TBL1X: variants seen among roughly 807,000 people sequenced by gnomAD.
TBL1X encodes the protein F-box-like/WD repeat-containing protein TBL1X.
In TBL1X, 10 loss-of-function variants were observed where a neutral mutation model predicts 50.7. The observed-to-expected ratio is 0.20, with a 90% confidence interval of 0.12 to 0.33. The LOEUF (loss-of-function observed/expected upper bound fraction) is 0.33. Among genes scored for constraint, TBL1X ranks in the 10% least tolerant of loss-of-function variants. The pLI, the probability that TBL1X is intolerant of heterozygous loss-of-function variation, is 1.00. For missense variants in TBL1X, 340 were observed against 504.4 expected, an observed-to-expected ratio of 0.67 and a Z score of 3.12; for synonymous variants, 190 against 214.7, an observed-to-expected ratio of 0.88 and a Z score of 1.01.
intron 1 of TBL1X, among the ~76,000 whole-genome samples, chrX:9,497,407 T>G (rs1441083808): frequency 8.9e-5 from 1 of 11,195 alleles, no homozygotes; most frequent in Non-Finnish European, 1.5e-4. Flanking sequence ...AGACTCCATC[T>G]CAAAAAAAAA....
intron 2 of TBL1X, among the ~76,000 whole-genome samples, chrX:9,639,029 C>G (rs1278446616): frequency 1.8e-5 from 2 of 111,709 alleles, no homozygotes; most frequent in African/African-American, 3.2e-5. Flanking sequence ...TAGTTTCACT[C>G]TCATTATTTT....
At chrX:9,485,796 A>G (rs957235651) in intron 1 of TBL1X, among the ~76,000 whole-genome samples, 1 of 112,247 alleles carries the variant, frequency 8.9e-6, no homozygotes, top group Non-Finnish European at 1.9e-5. Context: ...CCAGTCTCAA[A>G]TCAATTCACG....
chrX:9,653,734 G>C, intron 4 of TBL1X, 45 bp downstream of exon 4: 1 of 1,116,115 alleles, frequency 9.0e-7, no homozygotes, highest in Non-Finnish European at 1.2e-6. Context: ...GTCACTCTTT[G>C]GGGGTGTTGA....
intron 2 of TBL1X, among the ~76,000 whole-genome samples, chrX:9,613,121 T>C (rs2082621974): frequency 2.7e-5 from 3 of 111,495 alleles, no homozygotes; most frequent in Non-Finnish European, 5.6e-5. Flanking sequence ...AGTTTTAAAC[T>C]AGGATAGTTT....
intron 1 of TBL1X, among the ~76,000 whole-genome samples, chrX:9,482,335 T>C (rs2081887423): frequency 9.0e-6 from 1 of 111,477 alleles, no homozygotes; most frequent in Non-Finnish European, 1.9e-5. Context: ...TTAATCTTTG[T>C]TTTTTTTCCG....
chrX:9,710,611 G>A lies in TBL1X; in HGVS notation c.1439+851G>A, dbSNP rs982964427. On this transcript the variant is annotated intron_variant, in intron 15 of 17. Transcript: ENST00000645353. ...GCATCCCGGTACCTAATGGGTCCCT[G>A]TTGAAAGAAAGCAAGCCAGACAATA... 3.6e-5 allele frequency among the ~76,000 whole-genome samples: 4 copies of A among 112,443 alleles called. No homozygotes were observed. In the South Asian group the frequency reaches 1.5e-3, roughly 41 times the overall value.
intron 2 of TBL1X, among the ~76,000 whole-genome samples, chrX:9,541,535 A>G (rs1387871895): frequency 8.9e-6 from 1 of 112,688 alleles, no homozygotes; most frequent in Non-Finnish European, 1.9e-5. Flanking sequence ...AACAAAAAAC[A>G]GGGAACACAG....
intron 2 of TBL1X, among the ~76,000 whole-genome samples, chrX:9,512,064 G>A (rs1339910791): frequency 9.0e-6 from 1 of 110,573 alleles, no homozygotes; most frequent in African/African-American, 3.3e-5. Flanking sequence ...TCCCTATGTT[G>A]CCCAGGCTTG....
chrX:9,641,034 A>G (rs1458546704), intron 3 of TBL1X, among the ~76,000 whole-genome samples: 1 of 112,343 alleles, frequency 8.9e-6, no homozygotes, highest in Non-Finnish European at 1.9e-5. Flanking sequence ...TGTCAACATT[A>G]TCAATTACAA....
chrX:9,559,198 A>G lies in TBL1X; in HGVS notation c.-131+57349A>G, dbSNP rs187674610. 3.8e-3 allele frequency among the ~76,000 whole-genome samples: 429 copies of G among 112,161 alleles called. 4 individuals are homozygous for G. The highest frequency in any genetic ancestry group is 0.034 in the Admixed American group (363 of 10,555). Reference sequence around the variant, plus strand: ...TTGTATCCGACTGCGAACTTTGGATACCGCCTTCCTGTCTCAGCTTCGTCT... The same window carrying G: ...TTGTATCCGACTGCGAACTTTGGATGCCGCCTTCCTGTCTCAGCTTCGTCT... On this transcript the variant is annotated intron_variant, in intron 2 of 17. Coordinates refer to ENST00000645353, the MANE Select transcript of TBL1X (RefSeq NM_005647.4).
At chrX:9,543,902 C>T (rs1301918752) in intron 2 of TBL1X, among the ~76,000 whole-genome samples, 1 of 111,516 alleles carries the variant, frequency 9.0e-6, no homozygotes, top group East Asian at 2.8e-4. Flanking sequence ...TAGCCGAACA[C>T]AGAACATTCT....
At chrX:9,601,777 G>A (rs909713969) in intron 2 of TBL1X, among the ~76,000 whole-genome samples, 3 of 111,887 alleles carry the variant, frequency 2.7e-5, no homozygotes, top group Admixed American at 9.5e-5. Flanking sequence ...TTGGCCGGGC[G>A]CAGTGGCTCA....
At chrX:9,551,057 G>GT (rs947462230) in intron 2 of TBL1X, among the ~76,000 whole-genome samples, 1 of 111,217 alleles carries the variant, frequency 9.0e-6, no homozygotes, top group Non-Finnish European at 1.9e-5. Context: ...TACTTTATGG[G>GT]TTTTTTAATG....
intron 2 of TBL1X, among the ~76,000 whole-genome samples, chrX:9,599,828 C>G (rs750729100): frequency 8.9e-6 from 1 of 112,518 alleles, no homozygotes; most frequent in South Asian, 3.6e-4. Context: ...CAAGCAAAAT[C>G]TGATTGGAAA....
intron 2 of TBL1X, among the ~76,000 whole-genome samples, chrX:9,511,350 T>A (rs2082054857): frequency 8.9e-6 from 1 of 111,784 alleles, no homozygotes; most frequent in Non-Finnish European, 1.9e-5. Flanking sequence ...CTTGCCTGGC[T>A]TGTGGGTTGA....
chrX:9,559,795 A>T (rs1207280125), intron 2 of TBL1X, among the ~76,000 whole-genome samples: 1 of 112,328 alleles, frequency 8.9e-6, no homozygotes, highest in Non-Finnish European at 1.9e-5. Context: ...CAGGAAATGA[A>T]AACGAAGTAT....
intron 2 of TBL1X, among the ~76,000 whole-genome samples, chrX:9,614,000 AAAAG>A (rs2082627596): frequency 2.8e-5 from 3 of 108,838 alleles, no homozygotes; most frequent in Admixed American, 9.8e-5. Flanking sequence ...AAAAAAAAAA[AAAAG>A]AAAAGAAAAA....
chrX:9,698,311 TGAAACCACTCCCAG>T, intron 12 of TBL1X, among the ~76,000 whole-genome samples: 2 of 111,365 alleles, frequency 1.8e-5, no homozygotes, highest in African/African-American at 3.3e-5. Context: ...GGGGGCTCCC[TGAAACCACTCCCAG>T]GATTGGTGGT....
At position 9,674,680 on chromosome X, in the gene TBL1X, G is replaced by GCCCCCCCCCCCC. The variant is rs57080019; in HGVS notation, c.212-9350_212-9339dup. ...GGGCACAAATGATCCTCCCGCCTCA[G>GCCCCCCCCCCCC]CCCCCCCCCCCCCCCCCCCCCCCCA... On this transcript the variant is annotated intron_variant, in intron 5 of 17. Transcript: ENST00000645353. 1.2e-3 allele frequency among the ~76,000 whole-genome samples: 5 copies of GCCCCCCCCCCCC among 4,012 alleles called. 2 individuals carry two copies. Among genetic ancestry groups the GCCCCCCCCCCCC allele is most frequent in the Non-Finnish European group, 1.1e-3 (2 of 1,888 alleles). 3.5% of individuals were successfully genotyped at this position (4,012 alleles called of 115,157 possible).
Sources: gnomAD v4.1 joint callset for allele counts (sites outside exome capture counted in the v4.1 genomes callset) on GRCh38, gnomAD v4.1.1 for gene constraint, MANE v1.5 for transcripts, NCBI Gene and HGNC (gene_info 2026-07-23, HGNC 2026-07-21) for gene names.